CENPS: variants seen among roughly 807,000 people sequenced by gnomAD.
CENPS encodes the protein FANCM associated histone fold protein 1.
CENPS carries 16 observed loss-of-function variants against 17.9 expected under a neutral mutation model. The ratio of observed to expected loss-of-function variants is 0.90; its 90% CI spans 0.61 to 1.36. The LOEUF is 1.36. CENPS is among the 40% of genes most tolerant of loss of function. The pLI is 0.00. For missense variants in CENPS, 160 were observed against 158.6 expected (o/e 1.01, Z -0.05); for synonymous variants, 49 against 55.8 (o/e 0.88, Z 0.54).
At position 10,438,118 on chromosome 1, in the gene CENPS, A is replaced by G. The variant is rs568226647; in HGVS notation, c.210-2229A>G. On this transcript the variant is annotated intron_variant, in intron 3 of 4. Transcript: ENST00000309048. ...ATTCACTAGCAGACTTTGGAAAGCA[A>G]CTGCCAATCTGAATTTTTGTTTTGT... 9.9e-4 allele frequency among the ~76,000 whole-genome samples: 150 copies of G among 152,150 alleles called. 1 individual carries two copies. The highest frequency in any genetic ancestry group is 3.3e-3 in the African/African-American group (139 of 41,522).
intron 1 of CENPS, chr1:10,431,354 C>T (rs1185663282): frequency 6.5e-7 from 1 of 1,535,322 alleles, no homozygotes; most frequent in African/African-American, 1.4e-5. Context: ...CTACCCTGCC[C>T]CTTGTCTTTT....
intron 3 of CENPS, among the ~76,000 whole-genome samples, chr1:10,435,581 T>C (rs997943973): frequency 1.3e-5 from 2 of 151,902 alleles, no homozygotes; most frequent in Non-Finnish European, 2.9e-5. Flanking sequence ...GCTTAGTCAT[T>C]GCTGATTCAG....
At chr1:10,434,742 C>T (rs780557113) in intron 3 of CENPS, 52 bp downstream of exon 3, 2 of 1,548,110 alleles carry the variant, frequency 1.3e-6, no homozygotes, top group Non-Finnish European at 8.7e-7. Flanking sequence ...CTTTTTGGGG[C>T]CTCTCCATCT....
intron 1 of CENPS, among the ~76,000 whole-genome samples, chr1:10,432,895 C>T (rs1034576140): frequency 2.6e-5 from 4 of 152,200 alleles, no homozygotes; most frequent in Admixed American, 2.6e-4. Flanking sequence ...TCTTTGGCTT[C>T]TCCTACCAGA....
chr1:10,437,218 G>C (rs751126764), intron 3 of CENPS, among the ~76,000 whole-genome samples: 4 of 151,352 alleles, frequency 2.6e-5, no homozygotes, highest in African/African-American at 9.7e-5. Context: ...TGCAGTGGCA[G>C]GATCATAGCT....
chr1:10,434,064 C>T, intron 2 of CENPS, 99 bp downstream of exon 2: 1 of 1,561,840 alleles, frequency 6.4e-7, no homozygotes, highest in Non-Finnish European at 8.7e-7. Flanking sequence ...GTCTGACCAG[C>T]AGACCAAGAA....
At chr1:10,430,611 G>A (rs1374198358) in intron 1 of CENPS, 43 bp downstream of exon 1, 3 of 1,524,472 alleles carry the variant, frequency 2.0e-6, no homozygotes, top group Non-Finnish European at 2.6e-6. Context: ...GCAGGACGGC[G>A]TCGAGTTTCT....
chr1:10,439,153 A>G (rs1185947394), intron 3 of CENPS, among the ~76,000 whole-genome samples: 1 of 152,216 alleles, frequency 6.6e-6, no homozygotes, highest in Admixed American at 6.5e-5. Context: ...ATTTGGCCAA[A>G]TTATGGAGAA....
At chr1:10,432,628 C>T (rs559705164) in intron 1 of CENPS, among the ~76,000 whole-genome samples, 75 of 151,910 alleles carry the variant, frequency 4.9e-4, no homozygotes, top group Non-Finnish European at 8.5e-4. Flanking sequence ...CCAGCCCAGC[C>T]AGGGGGAGGG....
At chr1:10,439,920 T>C (rs1640335945) in intron 3 of CENPS, among the ~76,000 whole-genome samples, 1 of 151,958 alleles carries the variant, frequency 6.6e-6, no homozygotes, top group East Asian at 1.9e-4. Context: ...TTTGTGGAGG[T>C]TCTCTTTGTT....
chr1:10,435,706 T>TAC (rs1405520586), intron 3 of CENPS, among the ~76,000 whole-genome samples: 2,591 of 141,796 alleles, frequency 0.018, 39 homozygotes, highest in African/African-American at 0.033. Flanking sequence ...AAAAATAATA[T>TAC]ATATATATAT....
chr1:10,436,087 C>T (rs1305384460), intron 3 of CENPS, among the ~76,000 whole-genome samples: 1 of 151,450 alleles, frequency 6.6e-6, no homozygotes, highest in African/African-American at 2.4e-5. Flanking sequence ...AAGTGATTCT[C>T]CTGCCTCAGC....
intron 3 of CENPS, among the ~76,000 whole-genome samples, chr1:10,437,080 G>A (rs2124272234): frequency 6.6e-6 from 1 of 152,292 alleles, no homozygotes; most frequent in African/African-American, 2.4e-5. Context: ...ATGTTACATA[G>A]TCTCTGTAGG....
At chr1:10,440,993 T>C (rs979857963) in intron 4 of CENPS, among the ~76,000 whole-genome samples, 3 of 152,186 alleles carry the variant, frequency 2.0e-5, no homozygotes, top group Admixed American at 6.5e-5. Context: ...TGTGATAGAA[T>C]GTGGGCCCCA....
At chr1:10,441,568 A>G (rs1342111469) in intron 4 of CENPS, among the ~76,000 whole-genome samples, 1 of 134,218 alleles carries the variant, frequency 7.5e-6, no homozygotes, top group Non-Finnish European at 1.6e-5. Flanking sequence ...CTTGCCCTGG[A>G]CTCCCAAAGT....
chr1:10,430,780 G>T (rs945210535), intron 1 of CENPS: 4 of 1,388,738 alleles, frequency 2.9e-6, no homozygotes, highest in Non-Finnish European at 3.7e-6. Flanking sequence ...GCTGGCTGGG[G>T]AGGAAGCGGT....
rs1640415839 is a variant in CENPS at position 10,441,618 on chromosome 1, C to CTA, written c.277-646_277-645insAT. On this transcript the variant is annotated intron_variant, in intron 4 of 4. Coordinates refer to ENST00000309048, the MANE Select transcript of CENPS (RefSeq NM_199294.3). The stretch of plus-strand genomic sequence containing the variant: ...CATGAGCCACCGCACCTGGCTACAA[C>CTA]TCTTTTTTTTTTTTTTTTTTTTTTT... 8.0e-5 allele frequency among the ~76,000 whole-genome samples: 8 copies of CTA among 100,078 alleles called. No homozygotes were observed. The Admixed American group carries it at 8.9e-4, about 11-fold the overall frequency. The allele number at this position is 100,078 out of a possible 152,430, so 65.7% of individuals were successfully genotyped here.
rs1490838195 is a variant in CENPS at position 10,430,490 on chromosome 1, T to C, written c.-28T>C. ...CACCACCGCCCCTTCTCGGCCCTCC[T>C]GCGTTTGCCCAGGGTCGGCCCGCAG... On this transcript the variant is annotated 5_prime_UTR_variant, in exon 1 of 5. Transcript: ENST00000309048. 2.0e-6 allele frequency: 3 copies of C among 1,535,354 alleles called. No individual in the cohort carries two copies. The highest frequency in any genetic ancestry group is 1.2e-5 in the South Asian group (1 of 82,762).
intron 3 of CENPS, among the ~76,000 whole-genome samples, chr1:10,436,949 A>G (rs1032450819): frequency 5.3e-5 from 8 of 152,102 alleles, no homozygotes; most frequent in African/African-American, 1.9e-4. Context: ...AATAAAATTG[A>G]TATTCCTGGA....
Sources: allele counts gnomAD v4.1 joint callset (sites outside exome capture counted in the v4.1 genomes callset), GRCh38; gene constraint gnomAD v4.1.1; transcripts MANE v1.5; gene names NCBI Gene and HGNC (gene_info 2026-07-23, HGNC 2026-07-21).